PPP1R12A: variants seen among roughly 807,000 people sequenced by gnomAD.
The protein encoded by PPP1R12A is protein phosphatase 1 regulatory subunit 12A, also known as myosin binding subunit.
PPP1R12A carries 19 observed loss-of-function variants against 139.6 expected under a neutral mutation model. The observed-to-expected ratio is 0.14, with a 90% CI of 0.09 to 0.20. PPP1R12A has a LOEUF of 0.20. Ranked by LOEUF, PPP1R12A falls within the 10% of genes least tolerant of loss-of-function variation. The pLI is 1.00. For missense variants in PPP1R12A, 925 were observed against 1,211.5 expected, an observed-to-expected ratio of 0.76 and a Z score of 3.51; for synonymous variants, 427 against 420.6, an observed-to-expected ratio of 1.02 and a Z score of -0.19.
At chr12:79,864,970 A>G (rs1881800367) in intron 2 of PPP1R12A, among the ~76,000 whole-genome samples, 1 of 152,214 alleles carries the variant, frequency 6.6e-6, no homozygotes, top group Non-Finnish European at 1.5e-5. Flanking sequence ...TCATTTTATG[A>G]GGCCAGAATC....
chr12:79,788,493 G>T, intron 21 of PPP1R12A, 155 bp downstream of exon 21: 1 of 643,858 alleles, frequency 1.6e-6, no homozygotes, highest in Non-Finnish European at 2.5e-6. Flanking sequence ...TAAACAAACA[G>T]CTATTTACAT....
chr12:79,923,916 C>T (rs569362198), intron 1 of PPP1R12A, among the ~76,000 whole-genome samples: 35 of 151,994 alleles, frequency 2.3e-4, no homozygotes, highest in Admixed American at 5.2e-4. Context: ...TGGTGGTGGA[C>T]GCCTGTAATC....
chr12:79,906,618 T>C (rs375014598), intron 1 of PPP1R12A, among the ~76,000 whole-genome samples: 20 of 152,140 alleles, frequency 1.3e-4, no homozygotes, highest in East Asian at 9.6e-4. Flanking sequence ...TGTATGTATG[T>C]ATGTATTTAT....
At chr12:79,804,344 T>A (rs1873559692) in intron 14 of PPP1R12A, among the ~76,000 whole-genome samples, 1 of 152,108 alleles carries the variant, frequency 6.6e-6, no homozygotes, top group Admixed American at 6.5e-5. Context: ...AAATATAATA[T>A]GACCTATACT....
At position 79,809,828 on chromosome 12, in the gene PPP1R12A, G is replaced by A; in HGVS notation, c.1422C>T (p.Pro474=). The change falls in exon 10 of 25, where the codon CCC becomes CCT. Residue 474 remains proline, a synonymous_variant. Coordinates refer to ENST00000450142, the MANE Select transcript of PPP1R12A (RefSeq NM_002480.3). ...TAGVTRSASS[P]RLSSSLDNKE... The stretch of plus-strand genomic sequence containing the variant: ...TATTATCCAAAGAGGAGGAAAGTCT[G>A]GGACTTGAAGCTGAACGTGTAACAC... The A allele has an allele frequency of 6.2e-7, 1 of 1,613,294 alleles. No individual in the cohort carries two copies. The highest frequency in any genetic ancestry group is 8.5e-7 in the Non-Finnish European group (1 of 1,179,490).
At chr12:79,789,615 A>C (rs961754270) in intron 20 of PPP1R12A, 1 of 451,504 alleles carries the variant, frequency 2.2e-6, no homozygotes, top group East Asian at 7.0e-5. Context: ...GAAAGATGCC[A>C]TTGGCTCTGC....
At chr12:79,929,302 TG>T (rs1888078274) in intron 1 of PPP1R12A, among the ~76,000 whole-genome samples, 1 of 152,190 alleles carries the variant, frequency 6.6e-6, no homozygotes, top group South Asian at 2.1e-4. Flanking sequence ...TCACAGGTCG[TG>T]GATCGACCTG....
intron 1 of PPP1R12A, among the ~76,000 whole-genome samples, chr12:79,885,255 G>C (rs1884000156): frequency 6.6e-6 from 1 of 151,926 alleles, no homozygotes; most frequent in Non-Finnish European, 1.5e-5. Context: ...TGAAAATGAG[G>C]ATAATAATAG....
chr12:79,812,069 T>C (rs1471758243), intron 9 of PPP1R12A, among the ~76,000 whole-genome samples: 2 of 152,196 alleles, frequency 1.3e-5, no homozygotes, highest in Non-Finnish European at 2.9e-5. Flanking sequence ...AATTACCCAA[T>C]GAAATACTAC....
chr12:79,807,893 T>C lies in PPP1R12A; in HGVS notation c.1551-563A>G, dbSNP rs1299669703. 3.3e-5 allele frequency among the ~76,000 whole-genome samples: 5 copies of C among 151,514 alleles called. No homozygotes were observed. In the East Asian group the frequency reaches 9.7e-4, roughly 30 times the overall value. On this transcript the variant is annotated intron_variant, in intron 11 of 24. Transcript: ENST00000450142. Reference sequence around the variant, plus strand: ...CTCTACTAAAAATAAAAAAATTAGCTGAGCAGGGTGGCAGGTGCCTGTAAT... The same window carrying C: ...CTCTACTAAAAATAAAAAAATTAGCCGAGCAGGGTGGCAGGTGCCTGTAAT...
intron 2 of PPP1R12A, among the ~76,000 whole-genome samples, chr12:79,856,773 T>C (rs1880705225): frequency 6.6e-6 from 1 of 152,234 alleles, no homozygotes; most frequent in Admixed American, 6.5e-5. Flanking sequence ...ATATTCTGGT[T>C]TTGCATATGA....
chr12:79,846,150 A>T (rs1335499367), intron 2 of PPP1R12A, among the ~76,000 whole-genome samples: 4 of 139,640 alleles, frequency 2.9e-5, no homozygotes, highest in Non-Finnish European at 6.0e-5. Context: ...GGTCTTTTTA[A>T]TATTTTACTA....
intron 1 of PPP1R12A, among the ~76,000 whole-genome samples, chr12:79,895,046 T>C (rs1885010646): frequency 6.6e-6 from 1 of 152,174 alleles, no homozygotes; most frequent in Non-Finnish European, 1.5e-5. Context: ...TCTTTATGCT[T>C]ACGTGTGTGG....
At chr12:79,880,721 GA>G (rs1333946118) in intron 1 of PPP1R12A, among the ~76,000 whole-genome samples, 17 of 152,242 alleles carry the variant, frequency 1.1e-4, no homozygotes, top group African/African-American at 4.1e-4. Flanking sequence ...GAAAGGGCCT[GA>G]GCTAAACAAC....
chr12:79,929,335 A>ACC (rs1371251144), intron 1 of PPP1R12A, among the ~76,000 whole-genome samples: 1 of 152,132 alleles, frequency 6.6e-6, no homozygotes, highest in South Asian at 2.1e-4. Flanking sequence ...GCGTTTGTGA[A>ACC]CCCCCGCTCT....
intron 3 of PPP1R12A, among the ~76,000 whole-genome samples, chr12:79,836,553 T>A (rs1019606450): frequency 3.9e-5 from 6 of 152,156 alleles, no homozygotes; most frequent in Non-Finnish European, 7.4e-5. Context: ...CTGATTCACA[T>A]ATAAAAACAA....
At chr12:79,917,031 C>A (rs893083952) in intron 1 of PPP1R12A, among the ~76,000 whole-genome samples, 4 of 152,056 alleles carry the variant, frequency 2.6e-5, no homozygotes, top group African/African-American at 9.7e-5. Flanking sequence ...TGTAAATAAC[C>A]CCCCAAAGGG....
chr12:79,813,826 A>C (rs766175026), intron 9 of PPP1R12A, among the ~76,000 whole-genome samples: 31 of 152,222 alleles, frequency 2.0e-4, no homozygotes, highest in Non-Finnish European at 1.3e-4. Context: ...AGTTATTAAA[A>C]GAAAATAAGC....
At chr12:79,790,318 A>C (rs1220495350) in intron 20 of PPP1R12A, 149 bp downstream of exon 20, 1 of 496,390 alleles carries the variant, frequency 2.0e-6, no homozygotes. Context: ...TAACAAAGAA[A>C]GCTAGTAACA....
Sources: allele counts gnomAD v4.1 joint callset (sites outside exome capture counted in the v4.1 genomes callset), GRCh38; gene constraint gnomAD v4.1.1; transcripts MANE v1.5; gene names NCBI Gene and HGNC (gene_info 2026-07-23, HGNC 2026-07-21).